Variants in TANC2 observed in about 807,000 individuals in gnomAD.
TANC2 encodes the protein tetratricopeptide repeat, ankyrin repeat and coiled-coil containing 2, also known as protein TANC2.
TANC2 carries 26 observed loss-of-function variants against 210.5 expected under a neutral mutation model. The ratio of observed to expected loss-of-function variants is 0.12; its 90% confidence interval spans 0.09 to 0.17. TANC2 has a LOEUF of 0.17. Ranked by LOEUF, TANC2 falls within the 10% of genes least tolerant of loss-of-function variation. The pLI is 1.00. For missense variants in TANC2, 2,129 were observed against 2,608.9 expected (o/e 0.82, Z 4.01); for synonymous variants, 931 against 967.1 (o/e 0.96, Z 0.69).
intron 15 of TANC2, among the ~76,000 whole-genome samples, chr17:63,388,367 AT>A (rs1360883467): frequency 6.6e-6 from 1 of 152,218 alleles, no homozygotes; most frequent in Non-Finnish European, 1.5e-5. Flanking sequence ...TAAAAAAGAT[AT>A]GGAAAAATAA....
At chr17:63,239,025 C>G (rs775063094) in intron 8 of TANC2, among the ~76,000 whole-genome samples, 2 of 151,798 alleles carry the variant, frequency 1.3e-5, no homozygotes, top group African/African-American at 2.4e-5. Flanking sequence ...CAAACCATAT[C>G]AGAAATGATA....
At chr17:63,314,137 G>T (rs1014492287) in intron 9 of TANC2, among the ~76,000 whole-genome samples, 1 of 152,094 alleles carries the variant, frequency 6.6e-6, no homozygotes, top group African/African-American at 2.4e-5. Flanking sequence ...CCCGACTTTC[G>T]GACTGATCAA....
intron 11 of TANC2, among the ~76,000 whole-genome samples, chr17:63,322,711 C>T (rs990658356): frequency 6.6e-6 from 1 of 152,180 alleles, no homozygotes; most frequent in African/African-American, 2.4e-5. Context: ...TAAACAAATA[C>T]ATATATAGTA....
At chr17:63,234,875 A>T (rs1402794001) in intron 7 of TANC2, among the ~76,000 whole-genome samples, 2 of 152,166 alleles carry the variant, frequency 1.3e-5, no homozygotes, top group African/African-American at 4.8e-5. Context: ...CATAATGAAG[A>T]TAGTAATATC....
chr17:63,339,117 GT>G (rs2046139140), intron 11 of TANC2: 1 of 152,272 alleles, frequency 6.6e-6, no homozygotes, highest in African/African-American at 2.4e-5. Context: ...AATGATGGCA[GT>G]GAGGAGGATA....
rs759338335 is a variant in TANC2 at position 63,405,101 on chromosome 17, A to G, written c.3332-21A>G. The G allele has an allele frequency of 9.4e-6, 15 of 1,598,536 alleles. No homozygotes were observed. In the African/African-American group the frequency reaches 1.5e-4, roughly 16 times the overall value. Reference sequence around the variant, plus strand: ...AGAGGACCAGAACCACCTATCCTCAATCTTTGTTCTCTGCCCTTAGCCCTA... The same window carrying G: ...AGAGGACCAGAACCACCTATCCTCAGTCTTTGTTCTCTGCCCTTAGCCCTA... On this transcript the variant is annotated intron_variant, in intron 19 of 27. Coordinates refer to ENST00000689528, the Ensembl canonical transcript of TANC2.
chr17:63,157,299 C>T (rs1464074730), intron 5 of TANC2, among the ~76,000 whole-genome samples: 4 of 152,136 alleles, frequency 2.6e-5, no homozygotes. Context: ...TGTGCCCCAG[C>T]ATTTAGAAGG....
exon 28 of TANC2, chr17:63,424,260 T>TA (rs2049093128): frequency 1.3e-5 from 2 of 152,214 alleles, no homozygotes; most frequent in East Asian, 1.9e-4. Flanking sequence ...TTAGGGCCTA[T>TA]ACCCTATGGG....
chr17:63,221,426 G>C (rs2042186415), intron 7 of TANC2, among the ~76,000 whole-genome samples: 1 of 123,660 alleles, frequency 8.1e-6, no homozygotes, highest in Non-Finnish European at 1.6e-5. Context: ...CTGGGCAACA[G>C]AGTGAGACTC....
chr17:63,346,074 G>GT (rs2046399250), intron 12 of TANC2, among the ~76,000 whole-genome samples: 1 of 152,100 alleles, frequency 6.6e-6, no homozygotes. Context: ...AATGTTTGGG[G>GT]AAGGGGAAAT....
intron 14 of TANC2, among the ~76,000 whole-genome samples, chr17:63,373,974 C>G (rs1208145300): frequency 6.8e-6 from 1 of 146,542 alleles, no homozygotes; most frequent in Non-Finnish European, 1.5e-5. Flanking sequence ...GCGTGAGACT[C>G]TGTCTCAAAA....
At chr17:63,232,614 G>A (rs754253385) in intron 7 of TANC2, among the ~76,000 whole-genome samples, 2 of 152,216 alleles carry the variant, frequency 1.3e-5, no homozygotes, top group Non-Finnish European at 2.9e-5. Context: ...AGCAAAGATG[G>A]CTGCCTGCTT....
chr17:63,305,442 G>A (rs944793346), intron 9 of TANC2: 1 of 152,192 alleles, frequency 6.6e-6, no homozygotes, highest in African/African-American at 2.4e-5. Flanking sequence ...GGTTGCCGGT[G>A]CAGGATTCAC....
intron 8 of TANC2, among the ~76,000 whole-genome samples, chr17:63,239,329 T>C (rs1388938463): frequency 6.6e-6 from 1 of 152,172 alleles, no homozygotes; most frequent in African/African-American, 2.4e-5. Flanking sequence ...TTCTGACTTT[T>C]CAAAATATGT....
In TANC2 at chr17:63,156,274, G is replaced by A. The variant is rs566181239; in HGVS notation, c.433+4894G>A. Among the ~76,000 whole-genome samples, 20 of 152,220 alleles carry A rather than the reference G, an allele frequency of 1.3e-4. No homozygotes were observed. The South Asian group carries it at 2.1e-3, about 16-fold the overall frequency. On this transcript the variant is annotated intron_variant, in intron 5 of 27. Transcript: ENST00000689528. ...CTGAGTAAAATTGATGAGCTTTGGG[G>A]GGAGTCTTAGCCCTTTAAAATGATA...
chr17:63,026,495 A>C (rs554477908), intron 2 of TANC2, among the ~76,000 whole-genome samples: 9 of 152,316 alleles, frequency 5.9e-5, no homozygotes, highest in African/African-American at 1.9e-4. Flanking sequence ...TACACAAGGA[A>C]GACATTTTTG....
chr17:63,082,707 G>A (rs1206969917), intron 3 of TANC2, among the ~76,000 whole-genome samples: 1 of 152,078 alleles, frequency 6.6e-6, no homozygotes, highest in Non-Finnish European at 1.5e-5. Flanking sequence ...CCTTAGATTA[G>A]TATTGATGAG....
chr17:63,013,082 A>G lies in TANC2; in HGVS notation c.67+3456A>G, dbSNP rs1386960501. Reference sequence around the variant, plus strand: ...TTTTTTCTTTTTTTTTTTTTAAGAGATGGGGTCTCTCTTTGTTTTCCGGGT... The same window carrying G: ...TTTTTTCTTTTTTTTTTTTTAAGAGGTGGGGTCTCTCTTTGTTTTCCGGGT... On this transcript the variant is annotated intron_variant, in intron 2 of 27. Coordinates refer to ENST00000689528, the Ensembl canonical transcript of TANC2. 2.1e-5 allele frequency among the ~76,000 whole-genome samples: 3 copies of G among 144,292 alleles called. No individual in the cohort carries two copies. In the Admixed American group the frequency reaches 2.1e-4, roughly 10 times the overall value. The allele number at this position is 144,292 out of a possible 152,430, so 94.7% of individuals were successfully genotyped here. A position where few individuals can be genotyped will look rare whatever the true frequency, so the allele number is the denominator to read the frequency against.
intron 11 of TANC2, among the ~76,000 whole-genome samples, chr17:63,337,450 C>T (rs1306027720): frequency 6.6e-6 from 1 of 151,894 alleles, no homozygotes; most frequent in Admixed American, 6.6e-5. Flanking sequence ...TTGTTTTTCT[C>T]TATATAGATA....
Sources: gnomAD v4.1 joint callset for allele counts (sites outside exome capture counted in the v4.1 genomes callset) on GRCh38, gnomAD v4.1.1 for gene constraint, MANE v1.5 for transcripts, NCBI Gene and HGNC (gene_info 2026-07-23, HGNC 2026-07-21) for gene names.